Variants in NBPF11 observed in about 807,000 individuals in gnomAD.
NBPF11 encodes NBPF family member NBPF11.
A neutral mutation model predicts 93.9 loss-of-function variants in NBPF11; 72 were observed. The observed-to-expected ratio is 0.77, with a 90% CI of 0.63 to 0.93. The LOEUF (loss-of-function observed/expected upper bound fraction) is 0.93, where lower values mean the gene tolerates loss of function less well. Ranked by LOEUF, NBPF11 falls within the 40% of genes least tolerant of loss-of-function variation. NBPF11 has a pLI of 0.00. For missense variants in NBPF11, 705 were observed against 802.2 expected, an observed-to-expected ratio of 0.88 and a Z score of 1.46; for synonymous variants, 224 against 304.9, an observed-to-expected ratio of 0.73 and a Z score of 2.76.
At chr1:148,119,578 T>C (rs1293597048) in intron 10 of NBPF11, among the ~76,000 whole-genome samples, 2 of 151,794 alleles carry the variant, frequency 1.3e-5, no homozygotes, top group Non-Finnish European at 2.9e-5. Context: ...TCTTCCTCTT[T>C]AGGAACAAGA....
chr1:148,111,558 A>T (rs1303502116), intron 15 of NBPF11, among the ~76,000 whole-genome samples: 1 of 151,412 alleles, frequency 6.6e-6, no homozygotes, highest in Admixed American at 6.6e-5. Context: ...GAAGACCTTA[A>T]ATGACCTGAT....
chr1:148,144,821 T>A (rs1278568363), intron 1 of NBPF11, among the ~76,000 whole-genome samples: 1 of 151,458 alleles, frequency 6.6e-6, no homozygotes, highest in African/African-American at 2.4e-5. Context: ...AAATAAAAAA[T>A]TAGCTGGGCA....
At chr1:148,116,729 G>A (rs1205763543) in intron 12 of NBPF11, among the ~76,000 whole-genome samples, 194 bp from the exon 13 acceptor site, 2 of 151,468 alleles carry the variant, frequency 1.3e-5, no homozygotes, top group Admixed American at 1.3e-4. Context: ...TGATCTGGAG[G>A]GCCACCATCA....
At chr1:148,108,846 C>CACAT (rs1476376181) in intron 17 of NBPF11, among the ~76,000 whole-genome samples, 192 bp from the exon 18 acceptor site, 14 of 95,278 alleles carry the variant, frequency 1.5e-4, no homozygotes, top group Non-Finnish European at 3.8e-5. Context: ...GAGAAAGACA[C>CACAT]ACACACACAC....
At chr1:148,147,043 G>A in intron 1 of NBPF11, 5 of 995,978 alleles carry the variant, frequency 5.0e-6, no homozygotes, top group East Asian at 5.2e-5. Context: ...AGCCACAGTG[G>A]ATGCACAGGG....
At chr1:148,108,145 C>G (rs1330110361) in intron 18 of NBPF11, among the ~76,000 whole-genome samples, 2 of 147,942 alleles carry the variant, frequency 1.4e-5, no homozygotes, top group Non-Finnish European at 3.0e-5. Flanking sequence ...ATTTTAGATG[C>G]TGAAAGTAGA....
At chr1:148,124,483 G>T (rs1668617454) in intron 6 of NBPF11, among the ~76,000 whole-genome samples, 1 of 150,246 alleles carries the variant, frequency 6.7e-6, no homozygotes, top group Admixed American at 6.7e-5. Flanking sequence ...AAAGACGAAA[G>T]AAGAAAAGAA....
intron 10 of NBPF11, among the ~76,000 whole-genome samples, chr1:148,119,777 T>A (rs1354816526): frequency 1.3e-5 from 2 of 151,938 alleles, no homozygotes; most frequent in Non-Finnish European, 2.9e-5. Context: ...TGCCTCAGCC[T>A]CCTGAGCAGG....
At chr1:148,111,184 C>T (rs1240487208) in intron 15 of NBPF11, among the ~76,000 whole-genome samples, 1 of 151,838 alleles carries the variant, frequency 6.6e-6, no homozygotes, top group African/African-American at 2.4e-5. Context: ...GGAAAACTAA[C>T]ACACAGAAAG....
chr1:148,106,734 G>A (rs1252766851), intron 20 of NBPF11, among the ~76,000 whole-genome samples: 1 of 148,702 alleles, frequency 6.7e-6, no homozygotes, highest in Non-Finnish European at 1.5e-5. Context: ...GGCATGGCTG[G>A]AGACTAGGAA....
At chr1:148,138,267 C>T (rs1671656734) in intron 2 of NBPF11, among the ~76,000 whole-genome samples, 5 of 150,706 alleles carry the variant, frequency 3.3e-5, no homozygotes, top group African/African-American at 7.4e-5. Context: ...TACAATCGGG[C>T]TTTACACCGA....
intron 1 of NBPF11, chr1:148,146,619 CT>C (rs1673143175): frequency 6.2e-7 from 1 of 1,611,030 alleles, no homozygotes; most frequent in South Asian, 1.1e-5. Context: ...AGCGTGCCGA[CT>C]TCCAGTACAG....
In NBPF11 at chr1:148,132,723, C is replaced by CTTTTTTTTTTTTTT. The variant is rs796172565; in HGVS notation, c.-36+2935_-36+2948dup. Among the ~76,000 whole-genome samples the CTTTTTTTTTTTTTT allele has an allele frequency of 2.1e-4, 7 of 33,224 alleles. 3 individuals carry two copies. The highest frequency in any genetic ancestry group is 7.7e-4 in the Admixed American group (2 of 2,584). The allele number at this position is 33,224 out of a possible 152,430, so 21.8% of individuals were successfully genotyped here. A position where few individuals can be genotyped will look rare whatever the true frequency, so the allele number is the denominator to read the frequency against. On this transcript the variant is annotated intron_variant, in intron 4 of 23. Transcript: ENST00000682118. ...CCTTACATAAATTTTGTTGACTTTC[C>CTTTTTTTTTTTTTT]TTTTTTTTTTTTTTTTTTTTTTTTT...
intron 5 of NBPF11, 77 bp downstream of exon 5, chr1:148,126,752 T>A (rs1208931301): frequency 7.2e-7 from 1 of 1,388,112 alleles, no homozygotes; most frequent in Admixed American, 1.7e-5. Flanking sequence ...ACAGGAAGGA[T>A]GAAATTATTT....
intron 2 of NBPF11, among the ~76,000 whole-genome samples, chr1:148,140,685 C>T (rs1672027436): frequency 6.6e-6 from 1 of 151,620 alleles, no homozygotes; most frequent in Non-Finnish European, 1.5e-5. Flanking sequence ...GGGAATTGCA[C>T]ATTAAAACAA....
chr1:148,146,193 C>A (rs1387747318), intron 1 of NBPF11, among the ~76,000 whole-genome samples: 22 of 151,720 alleles, frequency 1.5e-4, no homozygotes, highest in African/African-American at 5.3e-4. Context: ...CCTGTGGTTG[C>A]GAGGCTCCCT....
chr1:148,121,051 T>G lies in NBPF11; in HGVS notation c.779-341A>C. 1.3e-5 allele frequency among the ~76,000 whole-genome samples: 2 copies of G among 151,866 alleles called. 1 individual carries two copies. Among genetic ancestry groups the G allele is most frequent in the East Asian group, 3.9e-4 (2 of 5,178 alleles). On this transcript the variant is annotated intron_variant, in intron 9 of 23. Coordinates refer to ENST00000682118, the MANE Select transcript of NBPF11 (RefSeq NM_001385469.3). ...TAAATTTTTTCCTTTTTTGGTTTTT[T>G]GTTTTCTGTTTGAGACGGAGTCTCA...
Position 148,122,774 on chromosome 1 carries a change from A to T in NBPF11, c.521T>A (p.Val174Asp). Residue 174 changes from valine to aspartate, a missense_variant, in exon 8 of 24, where the codon GTT (valine) becomes GAT (aspartate). Around this residue, in one of 12 missense-constraint regions of NBPF11, gnomAD observed 262 missense variants for 223.1 expected, o/e 1.17. Transcript: ENST00000682118. ...TACTTTCTCATCCTCCTCAACTTGA[A>T]CATCTTCATCCTCATCTTCGTCATT... Reference protein sequence around the residue: ...PENDEDEDEDVQVEEDEKVLE... With the variant: ...PENDEDEDEDDQVEEDEKVLE... The T allele has an allele frequency of 1.2e-6, 2 of 1,610,014 alleles. No homozygotes were observed. The highest frequency in any genetic ancestry group is 1.7e-6 in the Non-Finnish European group (2 of 1,177,726).
In NBPF11 at chr1:148,103,579, T is replaced by A; in HGVS notation, c.*317A>T. The A allele has an allele frequency of 6.2e-7, 1 of 1,605,514 alleles. No individual in the cohort carries two copies. Among genetic ancestry groups the A allele is most frequent in the East Asian group, 2.2e-5 (1 of 44,776 alleles). On this transcript the variant is annotated 3_prime_UTR_variant, in exon 24 of 24. Transcript: ENST00000682118. ...CCACTGACCCATCCTATGTCTGGGC[T>A]TCCAAATGGAACTATAGTTTCATTC...
Sources: allele counts gnomAD v4.1 joint callset (sites outside exome capture counted in the v4.1 genomes callset), GRCh38; gene constraint gnomAD v4.1.1; regional missense constraint gnomAD v4.1.1; transcripts MANE v1.5; gene names NCBI Gene and HGNC (gene_info 2026-07-23, HGNC 2026-07-21).